Variants in DDX60L observed in about 807,000 individuals in gnomAD.
DDX60L encodes probable ATP-dependent RNA helicase DDX60-like.
Under a neutral mutation model 211.6 loss-of-function variants are expected in DDX60L, and 191 were observed. The observed-to-expected ratio is 0.90, with a 90% CI of 0.80 to 1.02. The LOEUF is 1.02. Among genes scored for constraint, DDX60L ranks in the 50% least tolerant of loss-of-function variants. The probability of loss-of-function intolerance (pLI) is 0.00; values close to 1 mark genes in which losing one functional copy is unlikely to be tolerated. For synonymous variants in DDX60L, 706 were observed against 694.1 expected (o/e 1.02, Z -0.27); for missense variants, 2,007 against 1,984.1 (o/e 1.01, Z -0.22).
chr4:168,416,806 G>GAA lies in DDX60L; in HGVS notation c.2611-11_2611-10dup, dbSNP rs148899120. ...CTGCCAAGATAATGGACCTAGTAAA[G>GAA]AAAAAAAAATCAGTTGAAAAGTTGA... On this transcript the variant is annotated splice_polypyrimidine_tract_variant and intron_variant, in intron 19 of 37. Transcript: ENST00000682922. 180 of 1,416,874 alleles carry GAA rather than the reference G, an allele frequency of 1.3e-4. No homozygotes were observed. Among genetic ancestry groups the GAA allele is most frequent in the East Asian group, 4.2e-4 (17 of 40,752 alleles). The allele number at this position is 1,416,874 out of a possible 1,614,324, so 87.8% of individuals were successfully genotyped here.
intron 22 of DDX60L, among the ~76,000 whole-genome samples, chr4:168,411,530 C>G (rs1748672821): frequency 6.6e-6 from 1 of 152,184 alleles, no homozygotes; most frequent in Admixed American, 6.5e-5. Flanking sequence ...TTTAGACTAG[C>G]CTGACCCAGA....
intron 4 of DDX60L, among the ~76,000 whole-genome samples, chr4:168,466,217 TA>T (rs913600057): frequency 6.6e-6 from 1 of 151,022 alleles, no homozygotes; most frequent in African/African-American, 2.4e-5. Context: ...TCAGTGAAAT[TA>T]AAAAAAAGAC....
chr4:168,359,692 C>T (rs146637099), intron 37 of DDX60L, among the ~76,000 whole-genome samples: 101 of 152,328 alleles, frequency 6.6e-4, no homozygotes, highest in African/African-American at 2.4e-3. Context: ...TCCCCTTTGT[C>T]TACCATTTGT....
Position 168,419,202 on chromosome 4 carries a change from C to G in DDX60L, c.2610+100G>C, listed in dbSNP as rs192697303. On this transcript the variant is annotated intron_variant, in intron 19 of 37. Transcript: ENST00000682922. ...CATTGGTACCCTGGCTGACGCACAACTTAACTGCCATCATTGAAAAAGCCC... is the reference window on the plus strand; with the variant it reads ...CATTGGTACCCTGGCTGACGCACAAGTTAACTGCCATCATTGAAAAAGCCC... 309 of 745,816 alleles carry G rather than the reference C, an allele frequency of 4.1e-4. 3 individuals are homozygous for G. The South Asian group carries it at 5.1e-3, about 12-fold the overall frequency. 46.2% of individuals were successfully genotyped at this position (745,816 alleles called of 1,614,324 possible). A position where few individuals can be genotyped will look rare whatever the true frequency, so the allele number is the denominator to read the frequency against.
In DDX60L at chr4:168,396,084, T is replaced by C; in HGVS notation, c.3532A>G (p.Lys1178Glu). The stretch of plus-strand genomic sequence containing the variant: ...ATATATTCAGCTCTATACACTTTTT[T>C]TCTTTCCAGTTTTTCAGCCTTCTTT... ...NPKKAEKLERKKVYRAEYINF... is the reference protein window; with the variant it reads ...NPKKAEKLEREKVYRAEYINF... The change falls in exon 27 of 38, where the codon AAA (lysine) becomes GAA (glutamate). Residue 1178 changes from lysine to glutamate, a missense_variant. Transcript: ENST00000682922. 1 of 1,572,312 alleles carries C rather than the reference T, an allele frequency of 6.4e-7. No homozygotes were observed. The highest frequency in any genetic ancestry group is 8.6e-7 in the Non-Finnish European group (1 of 1,161,458).
chr4:168,409,694 T>C (rs17540317), intron 22 of DDX60L, among the ~76,000 whole-genome samples: 16,744 of 152,190 alleles, frequency 0.11, 1,274 homozygotes, highest in Admixed American at 0.15. Flanking sequence ...TTAATCACCA[T>C]AGCTCAGAAT....
At chr4:168,378,579 A>G (rs1238585862) in intron 32 of DDX60L, 104 bp from the exon 33 acceptor site, 3 of 791,944 alleles carry the variant, frequency 3.8e-6, no homozygotes, top group African/African-American at 3.6e-5. Context: ...TGAAGGCAAA[A>G]TTTTCTAGCA....
chr4:168,396,308 T>C (rs555015119), intron 26 of DDX60L, among the ~76,000 whole-genome samples, 184 bp from the exon 27 acceptor site: 31 of 152,240 alleles, frequency 2.0e-4, no homozygotes, highest in African/African-American at 7.5e-4. Context: ...TCAGGTCCCC[T>C]CATCAGCAAA....
intron 8 of DDX60L, among the ~76,000 whole-genome samples, chr4:168,451,924 CATTTCACTTG>C: frequency 6.6e-6 from 1 of 152,194 alleles, no homozygotes; most frequent in Non-Finnish European, 1.5e-5. Context: ...GACCATGAGT[CATTTCACTTG>C]TCTTCACTCT....
rs906270388 is a variant in DDX60L, at chr4:168,472,477, A to G, written c.52T>C (p.Leu18=). 2.5e-6 allele frequency: 4 copies of G among 1,570,262 alleles called. No homozygotes were observed. The East Asian group carries it at 7.0e-5, about 27-fold the overall frequency. ...TACCCAGCTTTTGGCATTTCATTCA[A>G]AATTAACTGTGTCATTTCCCTGAAA... ...VFFREMTQLI[L]NEMPKAGYSS... Residue 18 remains leucine (L), a synonymous_variant, in exon 3 of 38, where the codon TTG becomes CTG. Coordinates refer to ENST00000682922, the MANE Select transcript of DDX60L (RefSeq NM_001012967.3).
chr4:168,390,302 T>C (rs909014187), intron 29 of DDX60L: 7 of 1,131,418 alleles, frequency 6.2e-6, no homozygotes, highest in Non-Finnish European at 7.6e-6. Flanking sequence ...GAAACTTTGC[T>C]CTCTACATGA....
intron 10 of DDX60L, among the ~76,000 whole-genome samples, chr4:168,438,023 G>A (rs1753303589): frequency 6.6e-6 from 1 of 152,094 alleles, no homozygotes; most frequent in South Asian, 2.1e-4. Flanking sequence ...ACAGGCACAT[G>A]CCACCATGCC....
chr4:168,410,029 T>A (rs541887775), intron 22 of DDX60L, among the ~76,000 whole-genome samples: 1 of 152,184 alleles, frequency 6.6e-6, no homozygotes, highest in Non-Finnish European at 1.5e-5. Context: ...AAATATTTAC[T>A]GAGCAACTTT....
chr4:168,477,109 G>A (rs1579914293), intron 1 of DDX60L, among the ~76,000 whole-genome samples: 1 of 152,274 alleles, frequency 6.6e-6, no homozygotes, highest in East Asian at 1.9e-4. Context: ...TACTGCTACA[G>A]AAATTGGTAC....
chr4:168,457,289 C>T lies in DDX60L; in HGVS notation c.723+603G>A, dbSNP rs866588461. 4.5e-4 allele frequency among the ~76,000 whole-genome samples: 66 copies of T among 145,814 alleles called. 1 individual carries two copies. Among genetic ancestry groups the T allele is most frequent in the Admixed American group, 1.6e-3 (22 of 14,174 alleles). ...ACACACACACACACACACACACACA[C>T]ACATACACACACACACACACACAAT... On this transcript the variant is annotated intron_variant, in intron 6 of 37. Transcript: ENST00000682922.
chr4:168,447,479 C>T (rs927052053), intron 9 of DDX60L, among the ~76,000 whole-genome samples: 8 of 151,854 alleles, frequency 5.3e-5, no homozygotes, highest in African/African-American at 1.7e-4. Flanking sequence ...TGTGGCGATT[C>T]CTCAGGGATC....
chr4:168,358,071 T>C lies in DDX60L; in HGVS notation c.*76A>G. On this transcript the variant is annotated 3_prime_UTR_variant, in exon 38 of 38. Coordinates refer to ENST00000682922, the MANE Select transcript of DDX60L (RefSeq NM_001012967.3). ...CAAGACAAACATTTTTTCCATTTCATTGTGTAAGCTTAATTATATCTCTCC... is the reference window on the plus strand; with the variant it reads ...CAAGACAAACATTTTTTCCATTTCACTGTGTAAGCTTAATTATATCTCTCC... The C allele has an allele frequency of 1.5e-6, 2 of 1,317,230 alleles. No individual in the cohort carries two copies. The highest frequency in any genetic ancestry group is 2.1e-6 in the Non-Finnish European group (2 of 947,028). The allele number at this position is 1,317,230 out of a possible 1,614,324, so 81.6% of individuals were successfully genotyped here.
intron 8 of DDX60L, among the ~76,000 whole-genome samples, chr4:168,449,125 C>T (rs1755272794): frequency 1.3e-5 from 2 of 152,098 alleles, no homozygotes. Context: ...TAGACAGTTG[C>T]AAACTGGTTC....
At chr4:168,412,757 C>A (rs754221863) in intron 22 of DDX60L, among the ~76,000 whole-genome samples, 12 of 152,226 alleles carry the variant, frequency 7.9e-5, no homozygotes, top group South Asian at 4.1e-4. Flanking sequence ...TAACCCAGTG[C>A]AGTCTCTGCA....
Sources: allele counts gnomAD v4.1 joint callset (sites outside exome capture counted in the v4.1 genomes callset), GRCh38; gene constraint gnomAD v4.1.1; transcripts MANE v1.5; gene names NCBI Gene and HGNC (gene_info 2026-07-23, HGNC 2026-07-21).